Variants in NMD3 observed in about 807,000 individuals in gnomAD.
NMD3 encodes the protein NMD3 ribosome export adaptor.
NMD3 carries 47 observed loss-of-function variants against 73.1 expected under a neutral mutation model. The observed-to-expected ratio is 0.64, with a 90% confidence interval of 0.51 to 0.82. The LOEUF (loss-of-function observed/expected upper bound fraction) is 0.82. Ranked by LOEUF, NMD3 falls within the 40% of genes least tolerant of loss-of-function variation. The pLI is 0.00. For missense variants in NMD3, 554 were observed against 612.5 expected (o/e 0.90, Z 1.01); for synonymous variants, 210 against 194.5 (o/e 1.08, Z -0.66).
intron 7 of NMD3, 134 bp downstream of exon 7, chr3:161,235,346 A>AG (rs1736718167): frequency 2.1e-6 from 1 of 469,696 alleles, no homozygotes; most frequent in Non-Finnish European, 3.8e-6. Flanking sequence ...AAAAAAAAAA[A>AG]CAACTTAATT....
At chr3:161,237,135 G>A (rs1430324660) in intron 7 of NMD3, among the ~76,000 whole-genome samples, 1 of 152,038 alleles carries the variant, frequency 6.6e-6, no homozygotes, top group Non-Finnish European at 1.5e-5. Flanking sequence ...TTGATTTCTA[G>A]TGCTACTGTT....
intron 8 of NMD3, 55 bp from the exon 9 acceptor site, chr3:161,238,675 C>A: frequency 1.2e-6 from 1 of 842,344 alleles, no homozygotes; most frequent in Non-Finnish European, 2.0e-6. Context: ...ATTCCTGAGT[C>A]CATACAGGTT....
intron 5 of NMD3, 33 bp from the exon 6 acceptor site, chr3:161,234,694 C>G (rs375061393): frequency 1.3e-6 from 2 of 1,537,400 alleles, no homozygotes; most frequent in African/African-American, 2.7e-5. Flanking sequence ...TAAACAAAAC[C>G]AAAAGAATGA....
chr3:161,234,232 G>A (rs955650204), intron 5 of NMD3, among the ~76,000 whole-genome samples: 3 of 151,964 alleles, frequency 2.0e-5, no homozygotes, highest in African/African-American at 7.3e-5. Flanking sequence ...GGGAGGCCAA[G>A]GTAGGCAGAT....
chr3:161,239,395 A>G (rs1051804208), intron 9 of NMD3, among the ~76,000 whole-genome samples: 2 of 152,196 alleles, frequency 1.3e-5, no homozygotes, highest in African/African-American at 2.4e-5. Flanking sequence ...TATCTATAGT[A>G]TAGAAGGCTG....
chr3:161,238,312 A>G, intron 8 of NMD3, 121 bp downstream of exon 8: 1 of 698,744 alleles, frequency 1.4e-6, no homozygotes, highest in Non-Finnish European at 2.4e-6. Context: ...ATACTTACAC[A>G]ATCAGGAAGC....
chr3:161,232,539 G>T (rs1432637516), intron 4 of NMD3, among the ~76,000 whole-genome samples: 2 of 152,128 alleles, frequency 1.3e-5, no homozygotes, highest in African/African-American at 4.8e-5. Context: ...GTTTATTTCG[G>T]TATAGGTAGT....
chr3:161,227,714 T>C (rs1183407021), intron 4 of NMD3, among the ~76,000 whole-genome samples: 1 of 152,140 alleles, frequency 6.6e-6, no homozygotes, highest in Non-Finnish European at 1.5e-5. Flanking sequence ...CCCAAAGTGC[T>C]GGGATTACAG....
At position 161,234,870 on chromosome 3, in the gene NMD3, T is replaced by A. The variant is rs1294535008; in HGVS notation, c.486+15T>A. On this transcript the variant is annotated intron_variant, in intron 6 of 15. Coordinates refer to ENST00000351193, the MANE Select transcript of NMD3 (RefSeq NM_015938.5). ...TGAGGCAAAAGGTAATGAGAGAAGATGATGAGTGAGTCCTACATCTTATAT... is the reference window on the plus strand; with the variant it reads ...TGAGGCAAAAGGTAATGAGAGAAGAAGATGAGTGAGTCCTACATCTTATAT... 6.2e-7 allele frequency: 1 copy of A among 1,612,108 alleles called. No individual in the cohort carries two copies. The highest frequency in any genetic ancestry group is 1.3e-5 in the African/African-American group (1 of 74,860).
At chr3:161,247,023 T>C (rs9859641) in intron 12 of NMD3, among the ~76,000 whole-genome samples, 7,430 of 152,230 alleles carry the variant, frequency 0.049, 473 homozygotes, top group African/African-American at 0.14. Flanking sequence ...CTGTTTTGCT[T>C]TTACAAATGT....
At chr3:161,243,259 TAATAA>T (rs1245750489) in intron 11 of NMD3, among the ~76,000 whole-genome samples, 1 of 152,162 alleles carries the variant, frequency 6.6e-6, no homozygotes, top group Non-Finnish European at 1.5e-5. Flanking sequence ...CAATAATTAA[TAATAA>T]AATAGACCAA....
intron 4 of NMD3, 94 bp downstream of exon 4, chr3:161,227,437 A>ATTTTTTTTTTTTTTTTTTTTTTTTTTTT (rs55825529): frequency 6.2e-6 from 2 of 324,472 alleles, no homozygotes; most frequent in Non-Finnish European, 5.4e-6. Flanking sequence ...TTCAAAAGGA[A>ATTTTTTTTTTTTTTTTTTTTTTTTTTTT]TTTTTTTTTT....
At position 161,238,986 on chromosome 3, in the gene NMD3, T is replaced by G. The variant is rs140014224; in HGVS notation, c.753+160T>G. Among the ~76,000 whole-genome samples, 68 of 152,310 alleles carry G rather than the reference T, an allele frequency of 4.5e-4. No homozygotes were observed. The East Asian group carries it at 6.9e-3, about 16-fold the overall frequency. On this transcript the variant is annotated intron_variant, in intron 9 of 15. Transcript: ENST00000351193. Reference sequence around the variant, plus strand: ...ACACATTCAGCCATGTTAAAAGATATATATTTTTAAAAAAGTCATGCTTAT... The same window carrying G: ...ACACATTCAGCCATGTTAAAAGATAGATATTTTTAAAAAAGTCATGCTTAT...
At chr3:161,235,443 T>G in intron 7 of NMD3, 1 of 289,156 alleles carries the variant, frequency 3.5e-6, no homozygotes, top group Non-Finnish European at 6.5e-6. Flanking sequence ...ACTGAGAAAC[T>G]GAATTTTTAA....
Position 161,251,023 on chromosome 3 carries a change from C to T in NMD3, c.*113C>T. 1 of 768,086 alleles carries T rather than the reference C, an allele frequency of 1.3e-6. No homozygotes were observed. The highest frequency in any genetic ancestry group is 1.7e-5 in the African/African-American group (1 of 57,174). The allele number at this position is 768,086 out of a possible 1,614,324, so 47.6% of individuals were successfully genotyped here. A position where few individuals can be genotyped will look rare whatever the true frequency, so the allele number is the denominator to read the frequency against. ...TCAAGAGGAGAAATTTAGTTTTAAA[C>T]CTGAATAAACATGTTTGTTTTCAGT... On this transcript the variant is annotated 3_prime_UTR_variant, in exon 16 of 16. Transcript: ENST00000351193.
At chr3:161,240,526 A>ATTTTTTTTTTTTTTTTTTT (rs539406360) in intron 9 of NMD3, among the ~76,000 whole-genome samples, 3 of 111,696 alleles carry the variant, frequency 2.7e-5, no homozygotes, top group African/African-American at 7.6e-5. Flanking sequence ...TGGGCCCTGG[A>ATTTTTTTTTTTTTTTTTTT]TTTTTTTTTT....
chr3:161,224,584 G>A (rs928750590), intron 2 of NMD3, among the ~76,000 whole-genome samples: 7 of 152,066 alleles, frequency 4.6e-5, no homozygotes, highest in Non-Finnish European at 1.0e-4. Context: ...TCCACCTCCT[G>A]GGTTTGATAT....
At chr3:161,232,496 C>G (rs1488875003) in intron 4 of NMD3, among the ~76,000 whole-genome samples, 1 of 152,182 alleles carries the variant, frequency 6.6e-6, no homozygotes, top group East Asian at 1.9e-4. Flanking sequence ...TGTCTGAAAT[C>G]AAATGTAACA....
chr3:161,226,504 C>T (rs1456926491), intron 3 of NMD3, among the ~76,000 whole-genome samples: 1 of 151,932 alleles, frequency 6.6e-6, no homozygotes, highest in East Asian at 1.9e-4. Context: ...CAAAGGGAGA[C>T]CTGTGTAATG....
Sources: allele counts gnomAD v4.1 joint callset (sites outside exome capture counted in the v4.1 genomes callset), GRCh38; gene constraint gnomAD v4.1.1; transcripts MANE v1.5; gene names NCBI Gene and HGNC (gene_info 2026-07-23, HGNC 2026-07-21).